TFAP2E: variants seen among roughly 807,000 people sequenced by gnomAD.
The protein encoded by TFAP2E is transcription factor AP-2-epsilon.
TFAP2E carries 30 observed loss-of-function variants against 37.9 expected under a neutral mutation model. The observed-to-expected ratio is 0.79, with a 90% CI of 0.59 to 1.07. The LOEUF (loss-of-function observed/expected upper bound fraction) is 1.07, where lower values mean the gene tolerates loss of function less well. Ranked by LOEUF, TFAP2E falls within the 50% of genes least tolerant of loss-of-function variation. The pLI is 0.00. For synonymous variants in TFAP2E, 318 were observed against 295.8 expected, an observed-to-expected ratio of 1.08 and a Z score of -0.77; for missense variants, 567 against 637.9, an observed-to-expected ratio of 0.89 and a Z score of 1.20.
chr1:35,574,547 G>T (rs570276460), intron 2 of TFAP2E, 138 bp downstream of exon 2: 1 of 1,333,090 alleles, frequency 7.5e-7, no homozygotes, highest in Non-Finnish European at 9.8e-7. Flanking sequence ...CCGAGGATGT[G>T]TCCCACCTCC....
Position 35,577,879 on chromosome 1 carries a change from C to G in TFAP2E, c.562+2879C>G, listed in dbSNP as rs1177893725. ...GGAAATGGCAGGGCTGAGGCCGACCCTAGGAGTATAAGGGAGCCCTCCATT... is the reference window on the plus strand; with the variant it reads ...GGAAATGGCAGGGCTGAGGCCGACCGTAGGAGTATAAGGGAGCCCTCCATT... On this transcript the variant is annotated intron_variant, in intron 3 of 6. Coordinates refer to ENST00000373235, the MANE Select transcript of TFAP2E (RefSeq NM_178548.4). The surrounding 1 kb of genome is among the most constrained non-coding windows in gnomAD (Gnocchi z 6.3). The G allele has an allele frequency of 5.6e-6, 1 of 179,478 alleles. No homozygotes were observed. The highest frequency in any genetic ancestry group is 5.6e-5 in the Admixed American group (1 of 17,774). The allele number at this position is 179,478 out of a possible 1,614,324, so 11.1% of individuals were successfully genotyped here.
Position 35,573,866 on chromosome 1 carries a change from T to G in TFAP2E, c.28-61T>G. 7.1e-7 allele frequency: 1 copy of G among 1,409,224 alleles called. No homozygotes were observed. The highest frequency in any genetic ancestry group is 9.2e-7 in the Non-Finnish European group (1 of 1,090,162). The allele number at this position is 1,409,224 out of a possible 1,614,324, so 87.3% of individuals were successfully genotyped here. On this transcript the variant is annotated intron_variant, in intron 1 of 6. Coordinates refer to ENST00000373235, the MANE Select transcript of TFAP2E (RefSeq NM_178548.4). The surrounding 1 kb of genome is among the most constrained non-coding windows in gnomAD (Gnocchi z 5.9). ...ACCCTCCCGAGCTGAGGAGGATCCT[T>G]TCAGGCTGGGGTCCTTTCAGCTGCC...
intron 3 of TFAP2E, among the ~76,000 whole-genome samples, chr1:35,576,301 G>T (rs997727841): frequency 3.9e-5 from 6 of 152,142 alleles, no homozygotes; most frequent in Non-Finnish European, 5.9e-5. Context: ...GGAAGTGGGT[G>T]GGGGGAGGTG....
chr1:35,594,326 C>T, intron 6 of TFAP2E, 68 bp from the exon 7 acceptor site: 2 of 1,565,220 alleles, frequency 1.3e-6, no homozygotes, highest in Non-Finnish European at 8.6e-7. Context: ...AAATGCCTAG[C>T]ATGTAGCAGG....
intron 2 of TFAP2E, 146 bp from the exon 3 acceptor site, chr1:35,574,803 C>A: frequency 9.6e-7 from 1 of 1,040,600 alleles, no homozygotes; most frequent in African/African-American, 1.6e-5. Flanking sequence ...CTGGACATAG[C>A]GATTCCTGGG....
intron 3 of TFAP2E, among the ~76,000 whole-genome samples, chr1:35,584,274 AT>A (rs1033583445): frequency 2.0e-5 from 3 of 151,456 alleles, no homozygotes; most frequent in African/African-American, 7.3e-5. Flanking sequence ...ACTTAAAAAA[AT>A]TTTTTTTTGT....
At position 35,574,205 on chromosome 1, in the gene TFAP2E, GC is replaced by G; in HGVS notation, c.310del (p.Arg104AlafsTer74). 8.0e-7 allele frequency: 1 copy of G among 1,252,246 alleles called. No individual in the cohort carries two copies. Among genetic ancestry groups the G allele is most frequent in the South Asian group, 1.9e-5 (1 of 52,704 alleles). 77.6% of individuals were successfully genotyped at this position (1,252,246 alleles called of 1,614,324 possible). On this transcript the variant is annotated frameshift_variant, in exon 2 of 7. Coordinates refer to ENST00000373235, the MANE Select transcript of TFAP2E (RefSeq NM_178548.4). LOFTEE classifies it high-confidence loss of function. ...AGCCTCCTCAGGCCGCCTGGGCCGC[GC>G]CCCGCGCAGCCGCCCGCGCCCACGA... ...PQPPQAAWAA[P>X]RAAARAHEEP...
At chr1:35,591,128 C>T (rs567458436) in intron 6 of TFAP2E, among the ~76,000 whole-genome samples, 2 of 152,068 alleles carry the variant, frequency 1.3e-5, no homozygotes, top group Non-Finnish European at 2.9e-5. Context: ...CATATGTGTG[C>T]ATGCCACCTG....
rs1180504362 is a variant in TFAP2E, at chr1:35,590,063, A to C, written c.904+15A>C. 6.2e-7 allele frequency: 1 copy of C among 1,612,590 alleles called. No homozygotes were observed. Among genetic ancestry groups the C allele is most frequent in the East Asian group, 2.2e-5 (1 of 44,834 alleles). On this transcript the variant is annotated intron_variant, in intron 5 of 6. Coordinates refer to ENST00000373235, the MANE Select transcript of TFAP2E (RefSeq NM_178548.4). The surrounding 1 kb of genome is among the most constrained non-coding windows in gnomAD (Gnocchi z 6.2). ...GCTAGTGGAAGGTGAGTGAGGCCTGAAGGTGGGCATGGGAGTGGATGTGAG... is the reference window on the plus strand; with the variant it reads ...GCTAGTGGAAGGTGAGTGAGGCCTGCAGGTGGGCATGGGAGTGGATGTGAG...
chr1:35,589,857 G>A (rs980490212), intron 4 of TFAP2E, 73 bp from the exon 5 acceptor site: 144 of 1,520,446 alleles, frequency 9.5e-5, no homozygotes, highest in Non-Finnish European at 1.2e-4. Context: ...AAGGCCCTTT[G>A]GCAGCCACTT....
chr1:35,584,055 T>C (rs1037787562), intron 3 of TFAP2E, among the ~76,000 whole-genome samples: 13 of 152,226 alleles, frequency 8.5e-5, no homozygotes, highest in Non-Finnish European at 1.6e-4. Context: ...CAGCTCATCC[T>C]CATTGCTGTA....
intron 4 of TFAP2E, 138 bp from the exon 5 acceptor site, chr1:35,589,792 C>A: frequency 1.2e-6 from 1 of 837,660 alleles, no homozygotes; most frequent in Non-Finnish European, 2.0e-6. Flanking sequence ...TGAAAGAGAC[C>A]TCAGAGCATC....
In TFAP2E at chr1:35,586,048, CAA is replaced by C. The variant is rs71657685; in HGVS notation, c.563-2272_563-2271del. On this transcript the variant is annotated intron_variant, in intron 3 of 6. Coordinates refer to ENST00000373235, the MANE Select transcript of TFAP2E (RefSeq NM_178548.4). ...TGGGCAACAGAGCAAGACCCTGTCT[CAA>C]AAAAAAAAATGGTGGACACTAGGAA... Among the ~76,000 whole-genome samples, 4 of 146,424 alleles carry C rather than the reference CAA, an allele frequency of 2.7e-5. No homozygotes were observed. In the East Asian group the frequency reaches 7.8e-4, roughly 28 times the overall value.
intron 3 of TFAP2E, among the ~76,000 whole-genome samples, chr1:35,584,292 G>A (rs1410698581): frequency 6.6e-6 from 1 of 151,972 alleles, no homozygotes; most frequent in East Asian, 1.9e-4. Context: ...TTGTAGAGAT[G>A]AGGTCTCACT....
chr1:35,579,561 A>G (rs1649287960), intron 3 of TFAP2E, among the ~76,000 whole-genome samples: 1 of 151,682 alleles, frequency 6.6e-6, no homozygotes, highest in African/African-American at 2.4e-5. Context: ...CGCCCAGCTA[A>G]TTTTTGTATT....
In TFAP2E at chr1:35,574,170, GCGCAGC is replaced by G; in HGVS notation, c.279_284del (p.Gln94_Pro95del). 7.1e-7 allele frequency: 1 copy of G among 1,417,030 alleles called. No individual in the cohort carries two copies. 87.8% of individuals were successfully genotyped at this position (1,417,030 alleles called of 1,614,324 possible). On this transcript the variant is annotated inframe_deletion, in exon 2 of 7. Transcript: ENST00000373235. ...CCCATATGGCGGCCTGGCGCCCCTG[GCGCAGC>G]CGCAGCCTCCTCAGGCCGCCTGGGC... is the stretch of plus-strand genomic sequence containing the variant.
chr1:35,574,984 G>A lies in TFAP2E; in HGVS notation c.546G>A (p.Gln182=), dbSNP rs775026869. 1.2e-6 allele frequency: 2 copies of A among 1,614,014 alleles called. No homozygotes were observed. Among genetic ancestry groups the A allele is most frequent in the Non-Finnish European group, 1.7e-6 (2 of 1,180,008 alleles). ...AGCCGGGAATGAGCCTCCTAGACCA[G>A]TCCGTGATCAAGAAAGGTAAGGAAT... ...MDEPGMSLLD[Q]SVIKKVPIPS... The change falls in exon 3 of 7, where the codon CAG becomes CAA. Residue 182 remains glutamine, a synonymous_variant. Coordinates refer to ENST00000373235, the MANE Select transcript of TFAP2E (RefSeq NM_178548.4).
rs1649105048 is a variant in TFAP2E, at chr1:35,574,346, C to G, written c.447C>G (p.Gly149=). The G allele has an allele frequency of 6.9e-7, 1 of 1,448,652 alleles. No individual in the cohort carries two copies. The highest frequency in any genetic ancestry group is 1.5e-5 in the African/African-American group (1 of 66,984). The allele number at this position is 1,448,652 out of a possible 1,614,324, so 89.7% of individuals were successfully genotyped here. A position where few individuals can be genotyped will look rare whatever the true frequency, so the allele number is the denominator to read the frequency against. The change falls in exon 2 of 7, where the codon GGC becomes GGG. Residue 149 remains glycine (G), a synonymous_variant. Coordinates refer to ENST00000373235, the MANE Select transcript of TFAP2E (RefSeq NM_178548.4). Reference sequence around the variant, plus strand: ...ACGGCCTGGCCGACGGCGCGCACGGCCTGGCAGACGCACCTCTCGGCCTTC... The same window carrying G: ...ACGGCCTGGCCGACGGCGCGCACGGGCTGGCAGACGCACCTCTCGGCCTTC... ...LLHGLADGAH[G]LADAPLGLPG...
chr1:35,583,345 T>C (rs574436537), intron 3 of TFAP2E, among the ~76,000 whole-genome samples: 171 of 152,164 alleles, frequency 1.1e-3, no homozygotes, highest in Admixed American at 3.2e-3. Context: ...GGTTTTCCCA[T>C]GTTGTCCAGG....
Sources: allele counts gnomAD v4.1 joint callset (sites outside exome capture counted in the v4.1 genomes callset), GRCh38; gene constraint gnomAD v4.1.1; non-coding constraint Gnocchi (gnomAD v3.1); transcripts MANE v1.5; gene names NCBI Gene and HGNC (gene_info 2026-07-23, HGNC 2026-07-21).